Variants in STARD13 observed in about 807,000 individuals in gnomAD.
STARD13 encodes the protein stAR-related lipid transfer protein 13.
STARD13 carries 62 observed loss-of-function variants against 106.4 expected under a neutral mutation model. That is an observed-to-expected ratio of 0.58 (90% CI 0.48 to 0.72). The LOEUF (loss-of-function observed/expected upper bound fraction) is 0.72, where lower values mean the gene tolerates loss of function less well. Among genes scored for constraint, STARD13 ranks in the 30% least tolerant of loss-of-function variants. The pLI, the probability that STARD13 is intolerant of heterozygous loss-of-function variation, is 0.00. For synonymous variants in STARD13, 565 were observed against 553.0 expected, an observed-to-expected ratio of 1.02 and a Z score of -0.31; for missense variants, 1,387 against 1,424.0, an observed-to-expected ratio of 0.97 and a Z score of 0.42.
Position 33,219,667 on chromosome 13 carries a change from C to T in STARD13, c.170-52045G>A, listed in dbSNP as rs572273991. On this transcript the variant is annotated intron_variant, in intron 1 of 13. Transcript: ENST00000336934. ...GATAACATAGCAAGACCCCTGGGCA[C>T]GGTGGTGCATGCCTGTAGTCCTAGC... Among the ~76,000 whole-genome samples, 7 of 150,736 alleles carry T rather than the reference C, an allele frequency of 4.6e-5. No homozygotes were observed. The East Asian group carries it at 5.9e-4, about 13-fold the overall frequency.
intron 1 of STARD13, among the ~76,000 whole-genome samples, chr13:33,238,747 T>A (rs1889319036): frequency 6.6e-6 from 1 of 152,090 alleles, no homozygotes; most frequent in Non-Finnish European, 1.5e-5. Flanking sequence ...GCAATAATAA[T>A]AGCTAATGTG....
chr13:33,181,249 C>G (rs951336785), intron 1 of STARD13, among the ~76,000 whole-genome samples: 4 of 141,842 alleles, frequency 2.8e-5, no homozygotes, highest in Non-Finnish European at 4.6e-5. Context: ...TATTCTATCT[C>G]TGTCTTTCAC....
At chr13:33,274,983 G>A (rs1566112292) in intron 1 of STARD13, among the ~76,000 whole-genome samples, 2 of 151,928 alleles carry the variant, frequency 1.3e-5, no homozygotes, top group African/African-American at 2.4e-5. Context: ...ACCACCAAGT[G>A]ATTCCGAGAG....
At chr13:33,202,535 T>C (rs993211506) in intron 1 of STARD13, among the ~76,000 whole-genome samples, 1 of 152,208 alleles carries the variant, frequency 6.6e-6, no homozygotes, top group East Asian at 1.9e-4. Context: ...GTACCTGGCC[T>C]GTCTTTGCGG....
chr13:33,340,384 C>T (rs375778204), intron 1 of STARD13, among the ~76,000 whole-genome samples: 24 of 152,106 alleles, frequency 1.6e-4, no homozygotes, highest in African/African-American at 4.8e-4. Context: ...TTTTCTTTAT[C>T]TTTTGTAGAG....
the STARD13 span, among the ~76,000 whole-genome samples, chr13:33,456,973 A>T: frequency 6.6e-6 from 1 of 152,262 alleles, no homozygotes; most frequent in South Asian, 2.1e-4. Context: ...TCCACCAAAG[A>T]AATTTGCCAA....
At chr13:33,192,541 A>C (rs1343994648) in intron 1 of STARD13, among the ~76,000 whole-genome samples, 1 of 152,206 alleles carries the variant, frequency 6.6e-6, no homozygotes, top group African/African-American at 2.4e-5. Context: ...CAGGTGTCAG[A>C]TGTGATGCTA....
At chr13:33,666,388 G>A in the STARD13 span, among the ~76,000 whole-genome samples, 1 of 152,134 alleles carries the variant, frequency 6.6e-6, no homozygotes. Flanking sequence ...CCACCTCCCA[G>A]GTTCACGCCG....
the STARD13 span, among the ~76,000 whole-genome samples, chr13:33,374,079 T>C: frequency 3.3e-5 from 5 of 152,324 alleles, no homozygotes; most frequent in African/African-American, 4.8e-5. Flanking sequence ...ATGTGGTATA[T>C]ACCTACAGTA....
chr13:33,305,131 ATCT>A (rs1892858099), intron 1 of STARD13, among the ~76,000 whole-genome samples: 1 of 152,194 alleles, frequency 6.6e-6, no homozygotes, highest in African/African-American at 2.4e-5. Context: ...GCTTCAAGTG[ATCT>A]TCTTGCCCCA....
the STARD13 span, among the ~76,000 whole-genome samples, chr13:33,590,600 CA>C: frequency 1.3e-5 from 2 of 149,200 alleles, no homozygotes; most frequent in Non-Finnish European, 3.0e-5. Context: ...ATCGCAAGGA[CA>C]AAAAACCAAA....
intron 1 of STARD13, among the ~76,000 whole-genome samples, chr13:33,208,284 G>A (rs1205657908): frequency 6.6e-6 from 1 of 152,068 alleles, no homozygotes; most frequent in African/African-American, 2.4e-5. Context: ...AAAACATGGC[G>A]GGGTTGTAGC....
the STARD13 span, among the ~76,000 whole-genome samples, chr13:33,606,585 T>C: frequency 6.6e-6 from 1 of 152,174 alleles, no homozygotes; most frequent in Admixed American, 6.6e-5. Context: ...CTACTTTCTA[T>C]AATTACTGCC....
the STARD13 span, among the ~76,000 whole-genome samples, chr13:33,671,136 T>A: frequency 2.0e-5 from 3 of 152,260 alleles, no homozygotes; most frequent in Non-Finnish European, 4.4e-5. Flanking sequence ...GATTTTTTAT[T>A]TCTAATTATT....
the STARD13 span, among the ~76,000 whole-genome samples, chr13:33,578,165 T>G: frequency 6.6e-6 from 1 of 152,088 alleles, no homozygotes; most frequent in Non-Finnish European, 1.5e-5. Context: ...AAAATTCATA[T>G]GGAATAGAAA....
the STARD13 span, among the ~76,000 whole-genome samples, chr13:33,499,601 T>C: frequency 1.1e-3 from 69 of 65,246 alleles, no homozygotes; most frequent in African/African-American, 2.8e-3. Flanking sequence ...CTTCTTCTTC[T>C]TCTTTCTTCT....
chr13:33,200,606 C>T (rs968439986), intron 1 of STARD13, among the ~76,000 whole-genome samples: 1 of 152,236 alleles, frequency 6.6e-6, no homozygotes, highest in Non-Finnish European at 1.5e-5. Context: ...TATTGTGTTT[C>T]TATTCACTTT....
At chr13:33,592,192 G>C in the STARD13 span, among the ~76,000 whole-genome samples, 1 of 152,172 alleles carries the variant, frequency 6.6e-6, no homozygotes, top group Non-Finnish European at 1.5e-5. Context: ...TTGGCATTGA[G>C]TCCAGTGGAT....
intron 1 of STARD13, among the ~76,000 whole-genome samples, chr13:33,174,750 T>C (rs983054023): frequency 2.6e-5 from 4 of 152,336 alleles, no homozygotes; most frequent in East Asian, 3.9e-4. Flanking sequence ...AGATGAGGCA[T>C]ATGGAAGGCA....
Sources: allele counts gnomAD v4.1 joint callset (sites outside exome capture counted in the v4.1 genomes callset), GRCh38; gene constraint gnomAD v4.1.1; transcripts MANE v1.5; gene names NCBI Gene and HGNC (gene_info 2026-07-23, HGNC 2026-07-21).